ODAD2: variants seen among roughly 807,000 people sequenced by gnomAD.
ODAD2 encodes the protein outer dynein arm docking complex subunit 2.
A neutral mutation model predicts 106.8 loss-of-function variants in ODAD2; 89 were observed. The observed-to-expected ratio is 0.83, with a 90% CI of 0.70 to 0.99. The LOEUF (loss-of-function observed/expected upper bound fraction) is 0.99. ODAD2 is among the 50% of genes least tolerant of loss of function. The pLI is 0.00. For synonymous variants in ODAD2, 404 were observed against 436.2 expected (o/e 0.93, Z 0.92); for missense variants, 1,168 against 1,238.5 (o/e 0.94, Z 0.85).
At chr10:27,906,073 A>G (rs1048775299) in intron 17 of ODAD2, among the ~76,000 whole-genome samples, 1 of 152,222 alleles carries the variant, frequency 6.6e-6, no homozygotes, top group Non-Finnish European at 1.5e-5. Context: ...ATCAGAGTGA[A>G]CAGGCAACCT....
chr10:27,996,026 A>G (rs1406971461), intron 1 of ODAD2, among the ~76,000 whole-genome samples: 1 of 152,264 alleles, frequency 6.6e-6, no homozygotes, highest in Non-Finnish European at 1.5e-5. Context: ...CATTGGCTAA[A>G]TAGAAATTAG....
intron 16 of ODAD2, among the ~76,000 whole-genome samples, chr10:27,927,567 G>A (rs1228983133): frequency 6.6e-6 from 1 of 152,084 alleles, no homozygotes; most frequent in African/African-American, 2.4e-5. Flanking sequence ...AAAAACACAC[G>A]TGGGACGCCT....
chr10:27,923,123 T>A (rs1438851180), intron 16 of ODAD2, among the ~76,000 whole-genome samples: 1 of 152,068 alleles, frequency 6.6e-6, no homozygotes, highest in Non-Finnish European at 1.5e-5. Flanking sequence ...CAAAATATAA[T>A]TATAAAAAAT....
At chr10:27,912,986 T>C (rs1844113524) in intron 16 of ODAD2, among the ~76,000 whole-genome samples, 1 of 152,192 alleles carries the variant, frequency 6.6e-6, no homozygotes, top group South Asian at 2.1e-4. Flanking sequence ...TGTGGCAGTC[T>C]TGGGATAAGT....
At chr10:27,923,958 GAAAGAAAGAAAGA>G (rs2133985760) in intron 16 of ODAD2, among the ~76,000 whole-genome samples, 1 of 83,850 alleles carries the variant, frequency 1.2e-5, no homozygotes, top group African/African-American at 5.5e-5. Flanking sequence ...AAGAAAGAAA[GAAAGAAAGAAAGA>G]AAGAAAGAAA....
chr10:27,825,257 C>A (rs1442905512), intron 19 of ODAD2, among the ~76,000 whole-genome samples: 1 of 152,216 alleles, frequency 6.6e-6, no homozygotes, highest in Non-Finnish European at 1.5e-5. Flanking sequence ...ATCTCTTGAA[C>A]TGAATTTAAT....
rs373545862 is a variant in ODAD2, at chr10:27,984,985, A to G, written c.575+34T>C. The G allele has an allele frequency of 1.4e-5, 22 of 1,569,740 alleles. No individual in the cohort carries two copies. In the African/African-American group the frequency reaches 2.6e-4, roughly 18 times the overall value. On this transcript the variant is annotated intron_variant, in intron 4 of 19. Coordinates refer to ENST00000305242, the MANE Select transcript of ODAD2 (RefSeq NM_018076.5). Reference sequence around the variant, plus strand: ...AGTTCAGTGGTGCAATCTTGGCTCAATACAATAGAGGTTCCTTTTTGAAAA... The same window carrying G: ...AGTTCAGTGGTGCAATCTTGGCTCAGTACAATAGAGGTTCCTTTTTGAAAA...
At chr10:27,864,764 A>G (rs1290772258) in intron 17 of ODAD2, among the ~76,000 whole-genome samples, 1 of 152,062 alleles carries the variant, frequency 6.6e-6, no homozygotes, top group Non-Finnish European at 1.5e-5. Context: ...AATGTCCACC[A>G]ATTACTTGGC....
intron 19 of ODAD2, among the ~76,000 whole-genome samples, chr10:27,826,822 GA>G (rs1837082490): frequency 6.6e-6 from 1 of 151,754 alleles, no homozygotes; most frequent in South Asian, 2.1e-4. Flanking sequence ...TCTCAGAACA[GA>G]AACATAACAA....
At chr10:27,839,315 T>C (rs565837669) in intron 19 of ODAD2, among the ~76,000 whole-genome samples, 11 of 152,218 alleles carry the variant, frequency 7.2e-5, no homozygotes, top group Non-Finnish European at 1.6e-4. Context: ...CAATGGCTTC[T>C]GGCTTCACTC....
At chr10:27,850,814 CA>C (rs1264848657) in intron 19 of ODAD2, among the ~76,000 whole-genome samples, 1 of 151,962 alleles carries the variant, frequency 6.6e-6, no homozygotes, top group Non-Finnish European at 1.5e-5. Flanking sequence ...AGAAGGAAAA[CA>C]AAAAAGGTAA....
rs1368522139 is a variant in ODAD2 at position 27,966,343 on chromosome 10, T to G, written c.1238+2580A>C. 2.6e-5 allele frequency among the ~76,000 whole-genome samples: 4 copies of G among 152,298 alleles called. No individual in the cohort carries two copies. The East Asian group carries it at 7.7e-4, about 29-fold the overall frequency. On this transcript the variant is annotated intron_variant, in intron 9 of 19. Coordinates refer to ENST00000305242, the MANE Select transcript of ODAD2 (RefSeq NM_018076.5). ...AAGCATATAGTAGAATAAGCCTAAG[T>G]TCTTTGAGGAAAGCCTAAATTCACC...
intron 2 of ODAD2, among the ~76,000 whole-genome samples, chr10:27,989,008 G>A (rs1850056448): frequency 6.6e-6 from 1 of 152,110 alleles, no homozygotes; most frequent in South Asian, 2.1e-4. Context: ...AGAGTGATGT[G>A]GAGCCATGAG....
At chr10:27,978,326 T>C (rs1331001472) in intron 7 of ODAD2, among the ~76,000 whole-genome samples, 1 of 152,220 alleles carries the variant, frequency 6.6e-6, no homozygotes, top group Non-Finnish European at 1.5e-5. Context: ...AAACAGTTTA[T>C]GTGGAAACAT....
At chr10:27,825,426 A>G (rs1836964618) in intron 19 of ODAD2, among the ~76,000 whole-genome samples, 1 of 152,232 alleles carries the variant, frequency 6.6e-6, no homozygotes, top group African/African-American at 2.4e-5. Flanking sequence ...GTGATCTGGG[A>G]GGATGGTAGC....
chr10:27,884,707 G>A (rs1270311255), intron 17 of ODAD2, among the ~76,000 whole-genome samples: 1 of 152,220 alleles, frequency 6.6e-6, no homozygotes, highest in Admixed American at 6.5e-5. Context: ...GACACCTGGG[G>A]GCAAGAGATT....
chr10:27,961,906 A>G (rs1384207694), intron 9 of ODAD2, among the ~76,000 whole-genome samples, 191 bp from the exon 10 acceptor site: 1 of 152,162 alleles, frequency 6.6e-6, no homozygotes, highest in Non-Finnish European at 1.5e-5. Context: ...CTCTACAAAA[A>G]AAATACTTAA....
intron 9 of ODAD2, among the ~76,000 whole-genome samples, chr10:27,965,579 T>C (rs1303469949): frequency 3.9e-5 from 6 of 152,094 alleles, no homozygotes; most frequent in Non-Finnish European, 8.8e-5. Context: ...TAGAGTAGTG[T>C]CCATGGGTAA....
At chr10:27,848,228 A>C (rs944924724) in intron 19 of ODAD2, among the ~76,000 whole-genome samples, 1 of 152,218 alleles carries the variant, frequency 6.6e-6, no homozygotes, top group African/African-American at 2.4e-5. Flanking sequence ...ACAGAGATAT[A>C]GACAAATGAA....
Sources: allele counts gnomAD v4.1 joint callset (sites outside exome capture counted in the v4.1 genomes callset), GRCh38; gene constraint gnomAD v4.1.1; transcripts MANE v1.5; gene names NCBI Gene and HGNC (gene_info 2026-07-23, HGNC 2026-07-21).